The following ZNRF1 variants were observed in gnomAD, a reference collection of about 807,000 sequenced individuals.
ZNRF1 encodes zinc and ring finger 1.
A neutral mutation model predicts 18.4 loss-of-function variants in ZNRF1; 3 were observed. The observed-to-expected ratio is 0.16, with a 90% confidence interval of 0.07 to 0.42. The LOEUF (loss-of-function observed/expected upper bound fraction) is 0.42, where lower values mean the gene tolerates loss of function less well. Among genes scored for constraint, ZNRF1 ranks in the 10% least tolerant of loss-of-function variants. The probability of loss-of-function intolerance (pLI) is 0.99; values close to 1 mark genes in which losing one functional copy is unlikely to be tolerated. For synonymous variants in ZNRF1, 157 were observed against 144.2 expected (o/e 1.09, Z -0.64); for missense variants, 310 against 329.8 (o/e 0.94, Z 0.47).
chr16:75,049,634 A>G (rs764817413), intron 1 of ZNRF1, among the ~76,000 whole-genome samples: 2 of 152,160 alleles, frequency 1.3e-5, no homozygotes, highest in Non-Finnish European at 2.9e-5. Context: ...CCGTCTCTAC[A>G]AAAAATGCAA....
intron 1 of ZNRF1, among the ~76,000 whole-genome samples, chr16:75,045,646 T>C (rs2035505717): frequency 6.6e-6 from 1 of 152,176 alleles, no homozygotes; most frequent in African/African-American, 2.4e-5. Context: ...TAGCATGGTC[T>C]TGACTTTGAG....
chr16:75,025,548 G>T (rs2035210759), intron 1 of ZNRF1, among the ~76,000 whole-genome samples: 1 of 152,050 alleles, frequency 6.6e-6, no homozygotes, highest in Non-Finnish European at 1.5e-5. Flanking sequence ...TCTATGAGTT[G>T]TTATAAGACT....
intron 2 of ZNRF1, among the ~76,000 whole-genome samples, chr16:75,102,879 G>A (rs370716854): frequency 3.3e-5 from 5 of 152,144 alleles, no homozygotes; most frequent in African/African-American, 9.7e-5. Flanking sequence ...ATCCGCACAC[G>A]CAGGGCTGCT....
chr16:75,003,007 G>A (rs2034872604), intron 1 of ZNRF1, among the ~76,000 whole-genome samples: 1 of 152,226 alleles, frequency 6.6e-6, no homozygotes, highest in Non-Finnish European at 1.5e-5. Context: ...AGGCTGGAGT[G>A]CAGTGGTGCG....
intron 1 of ZNRF1, among the ~76,000 whole-genome samples, chr16:75,051,828 A>T (rs2035610139): frequency 1.3e-5 from 2 of 152,086 alleles, no homozygotes; most frequent in Admixed American, 6.6e-5. Context: ...TCTTTTTTTA[A>T]ACTATGTTTG....
chr16:75,034,758 C>T lies in ZNRF1; in HGVS notation c.424+34663C>T, dbSNP rs1052199337. On this transcript the variant is annotated intron_variant, in intron 1 of 4. Coordinates refer to ENST00000335325, the MANE Select transcript of ZNRF1 (RefSeq NM_032268.5). ...TCTTATGCCTCAGCCTCCCAAGTAG[C>T]TGGGATTACAGGTGTGCACCACTAT... 2.6e-5 allele frequency among the ~76,000 whole-genome samples: 4 copies of T among 152,256 alleles called. No individual in the cohort carries two copies. The East Asian group carries it at 7.7e-4, about 29-fold the overall frequency.
At chr16:75,096,952 T>G (rs1462825619) in intron 2 of ZNRF1, among the ~76,000 whole-genome samples, 1 of 152,100 alleles carries the variant, frequency 6.6e-6, no homozygotes, top group Non-Finnish European at 1.5e-5. Flanking sequence ...GGGAATGTGC[T>G]GAGCCCCTGC....
intron 1 of ZNRF1, among the ~76,000 whole-genome samples, chr16:75,056,185 G>A (rs2035665420): frequency 6.6e-6 from 1 of 152,096 alleles, no homozygotes; most frequent in South Asian, 2.1e-4. Flanking sequence ...AGGATGAATT[G>A]GAATCTTCTT....
At chr16:75,068,610 G>T (rs769825144) in intron 1 of ZNRF1, among the ~76,000 whole-genome samples, 1 of 152,054 alleles carries the variant, frequency 6.6e-6, no homozygotes, top group Non-Finnish European at 1.5e-5. Context: ...TATATAGCAG[G>T]ACCTTTGGAG....
intron 1 of ZNRF1, among the ~76,000 whole-genome samples, chr16:75,083,843 T>A (rs988752170): frequency 1.3e-5 from 2 of 151,888 alleles, no homozygotes; most frequent in Admixed American, 1.3e-4. Flanking sequence ...ACCAAGAGAT[T>A]TGACATACAA....
intron 1 of ZNRF1, among the ~76,000 whole-genome samples, chr16:75,011,359 T>G (rs2034997367): frequency 6.6e-6 from 1 of 152,216 alleles, no homozygotes; most frequent in Non-Finnish European, 1.5e-5. Context: ...TATAACAGCA[T>G]TTAAGTCAGC....
chr16:75,021,612 G>T (rs2035149312), intron 1 of ZNRF1, among the ~76,000 whole-genome samples: 1 of 152,046 alleles, frequency 6.6e-6, no homozygotes, highest in Admixed American at 6.5e-5. Flanking sequence ...TAAAAGTCTG[G>T]GTTGGCAGTT....
chr16:75,051,046 AAAAC>A (rs202003352), intron 1 of ZNRF1, among the ~76,000 whole-genome samples: 102,914 of 145,004 alleles, frequency 0.71, 39,455 homozygotes, highest in Non-Finnish European at 0.86. Context: ...AAAAAAAAAA[AAAAC>A]AAAACCTGGG....
intron 1 of ZNRF1, among the ~76,000 whole-genome samples, chr16:75,067,394 G>C (rs1387847302): frequency 1.3e-5 from 2 of 152,158 alleles, no homozygotes; most frequent in African/African-American, 2.4e-5. Context: ...TTTGTAAGAA[G>C]GTCATGTGGG....
At position 75,018,067 on chromosome 16, in the gene ZNRF1, G is replaced by C. The variant is rs192942590; in HGVS notation, c.424+17972G>C. ...CAATAATAACAGTGTCTATCATATA[G>C]GACTCATATGAATCAAATGAGTTTG... is the stretch of plus-strand genomic sequence containing the variant. On this transcript the variant is annotated intron_variant, in intron 1 of 4. Transcript: ENST00000335325. Among the ~76,000 whole-genome samples, 7 of 152,248 alleles carry C rather than the reference G, an allele frequency of 4.6e-5. No individual in the cohort carries two copies. In the South Asian group the frequency reaches 1.5e-3, roughly 32 times the overall value.
intron 3 of ZNRF1, chr16:75,105,939 G>C (rs1356071374): frequency 6.5e-6 from 1 of 153,212 alleles, no homozygotes; most frequent in Non-Finnish European, 1.5e-5. Flanking sequence ...CTGCTGATCA[G>C]CTGATCATGG....
At chr16:75,000,149 A>T in intron 1 of ZNRF1, 54 bp downstream of exon 1, 1 of 1,562,500 alleles carries the variant, frequency 6.4e-7, no homozygotes, top group Non-Finnish European at 8.7e-7. Flanking sequence ...GGGCGCCCCA[A>T]GCCTTCGCGT....
rs1200689427 is a variant in ZNRF1 at position 75,000,102 on chromosome 16, C to A, written c.424+7C>A. On this transcript the variant is annotated splice_region_variant and intron_variant, in intron 1 of 4. Transcript: ENST00000335325. ...TGGTTCAGCTCGCATAGTGGTGAGT[C>A]CGCGGGTGGTGGAGGCCTCGGAGGG... is the stretch of plus-strand genomic sequence containing the variant. 3 of 1,596,652 alleles carry A rather than the reference C, an allele frequency of 1.9e-6. No individual in the cohort carries two copies. Among genetic ancestry groups the A allele is most frequent in the South Asian group, 1.1e-5 (1 of 87,848 alleles).
At chr16:75,070,764 A>G (rs1198277614) in intron 1 of ZNRF1, among the ~76,000 whole-genome samples, 1 of 151,962 alleles carries the variant, frequency 6.6e-6, no homozygotes, top group Non-Finnish European at 1.5e-5. Context: ...TCTTAAGTAG[A>G]TCGGATCAGA....
Sources: gnomAD v4.1 joint callset for allele counts (sites outside exome capture counted in the v4.1 genomes callset) on GRCh38, gnomAD v4.1.1 for gene constraint, MANE v1.5 for transcripts, NCBI Gene and HGNC (gene_info 2026-07-23, HGNC 2026-07-21) for gene names.